Variants in KIF15 observed in about 807,000 individuals in gnomAD.
The protein encoded by KIF15 is kinesin family member 15, also known as kinesin-like protein KIF15.
Under a neutral mutation model 190.6 loss-of-function variants are expected in KIF15, and 140 were observed. The ratio of observed to expected loss-of-function variants is 0.73; its 90% confidence interval spans 0.64 to 0.84. The LOEUF (loss-of-function observed/expected upper bound fraction) is 0.84, where lower values mean the gene tolerates loss of function less well. Ranked by LOEUF, KIF15 falls within the 40% of genes least tolerant of loss-of-function variation. KIF15 has a pLI of 0.00. For synonymous variants in KIF15, 528 were observed against 551.3 expected (o/e 0.96, Z 0.59); for missense variants, 1,372 against 1,584.4 (o/e 0.87, Z 2.28).
chr3:44,766,422 C>T (rs1428789157), intron 1 of KIF15, among the ~76,000 whole-genome samples: 1 of 152,144 alleles, frequency 6.6e-6, no homozygotes, highest in East Asian at 1.9e-4. Context: ...GATCAGGGCC[C>T]CAGTGTTCTT....
At chr3:44,821,670 T>G in intron 20 of KIF15, among the ~76,000 whole-genome samples, 1 of 148,372 alleles carries the variant, frequency 6.7e-6, no homozygotes, top group South Asian at 2.1e-4. Context: ...GCTCCTCACG[T>G]CCCAGATGAT....
At chr3:44,849,143 T>A (rs1374292374) in intron 32 of KIF15, among the ~76,000 whole-genome samples, 1 of 152,234 alleles carries the variant, frequency 6.6e-6, no homozygotes, top group Non-Finnish European at 1.5e-5. Flanking sequence ...TCTGGGTAGA[T>A]ACTCCTTATT....
In KIF15 at chr3:44,802,971, G is replaced by A. The variant is rs756103962; in HGVS notation, c.1667G>A (p.Gly556Asp). ...KLEKAFSEISGMEKSDKNQQG... is the reference protein window; with the variant it reads ...KLEKAFSEISDMEKSDKNQQG... ...GAAAAAGCTTTCTCTGAAATAAGTG[G>A]CATGGAGAAAAGTGACAAAAGTAAG... is the stretch of plus-strand genomic sequence containing the variant. The change falls in exon 14 of 35, where the codon GGC (glycine) becomes GAC (aspartate). Residue 556 changes from glycine to aspartate, a missense_variant. Gly to Asp is a moderately conservative substitution (Grantham distance 94). Transcript: ENST00000326047. The A allele has an allele frequency of 3.2e-5, 51 of 1,597,580 alleles. No individual in the cohort carries two copies. The South Asian group carries it at 5.6e-4, about 17-fold the overall frequency.
intron 3 of KIF15, among the ~76,000 whole-genome samples, chr3:44,777,478 G>A (rs1004464333): frequency 2.6e-5 from 4 of 152,072 alleles, no homozygotes; most frequent in Non-Finnish European, 5.9e-5. Flanking sequence ...CGGATCACGA[G>A]GTCAGGAGTT....
At chr3:44,811,874 TTCTTAGAAG>T (rs1707800508) in intron 17 of KIF15, among the ~76,000 whole-genome samples, 1 of 152,186 alleles carries the variant, frequency 6.6e-6, no homozygotes, top group African/African-American at 2.4e-5. Context: ...CTGAGGAAGC[TTCTTAGAAG>T]TCTCAAGATG....
In KIF15 at chr3:44,798,077, A is replaced by G. The variant is rs1203154304; in HGVS notation, c.1098+121A>G. 4 of 923,308 alleles carry G rather than the reference A, an allele frequency of 4.3e-6. No homozygotes were observed. In the African/African-American group the frequency reaches 5.1e-5, roughly 12 times the overall value. The allele number at this position is 923,308 out of a possible 1,614,324, so 57.2% of individuals were successfully genotyped here. The stretch of plus-strand genomic sequence containing the variant: ...TTTATTTATTTCTCATTGTATGCAA[A>G]ATTTCTATTTTATCTTTCCTACCCT... On this transcript the variant is annotated intron_variant, in intron 10 of 34. Transcript: ENST00000326047.
intron 22 of KIF15, 115 bp from the exon 23 acceptor site, chr3:44,827,344 C>T (rs1697721762): frequency 1.4e-6 from 1 of 711,650 alleles, no homozygotes; most frequent in African/African-American, 1.8e-5. Context: ...TAATGCCTGA[C>T]ACCAAGGGTG....
chr3:44,791,965 T>C (rs1575598830), intron 7 of KIF15, among the ~76,000 whole-genome samples: 7 of 151,868 alleles, frequency 4.6e-5, no homozygotes, highest in Admixed American at 6.6e-5. Flanking sequence ...GTAATCCACC[T>C]GCCTTGGCCT....
At chr3:44,761,967 A>C (rs571376688) in intron 1 of KIF15, 83 bp downstream of exon 1, 4 of 1,578,248 alleles carry the variant, frequency 2.5e-6, no homozygotes, top group African/African-American at 2.7e-5. Context: ...GACCGCCCGC[A>C]AGGTTCTTGC....
At position 44,794,364 on chromosome 3, in the gene KIF15, C is replaced by G; in HGVS notation, c.787C>G (p.Leu263Val). ...IVNIRTSLLNLVDLAGSERQK... is the reference protein window; with the variant it reads ...IVNIRTSLLNVVDLAGSERQK... Reference sequence around the variant, plus strand: ...GAATATACGGACCTCCCTACTCAACCTGGTGGATTTAGCAGGATCTGAAAG... The same window carrying G: ...GAATATACGGACCTCCCTACTCAACGTGGTGGATTTAGCAGGATCTGAAAG... Residue 263 changes from leucine to valine, a missense_variant, in exon 8 of 35, where the codon CTG (leucine) becomes GTG (valine). Physicochemically the swap from Leu to Val is conservative, Grantham distance 32. Coordinates refer to ENST00000326047, the MANE Select transcript of KIF15 (RefSeq NM_020242.3). 3.7e-6 allele frequency: 6 copies of G among 1,613,496 alleles called. No homozygotes were observed. The highest frequency in any genetic ancestry group is 5.1e-6 in the Non-Finnish European group (6 of 1,179,722).
chr3:44,845,280 G>A, intron 30 of KIF15, among the ~76,000 whole-genome samples: 1 of 152,182 alleles, frequency 6.6e-6, no homozygotes, highest in East Asian at 1.9e-4. Flanking sequence ...GTTTTGGTGG[G>A]AGTAACAACT....
At chr3:44,864,976 C>T in intron 6 of KIF15, 2 of 1,601,740 alleles carry the variant, frequency 1.2e-6, no homozygotes, top group Non-Finnish European at 1.7e-6. Flanking sequence ...AAGTCAGTCC[C>T]AGGAGAGTGA....
intron 4 of KIF15, among the ~76,000 whole-genome samples, chr3:44,780,067 CTTTTTTTTTTT>C (rs757687365): frequency 8.1e-6 from 1 of 123,104 alleles, no homozygotes; most frequent in African/African-American, 3.0e-5. Flanking sequence ...TAAAATACAA[CTTTTTTTTTTT>C]TTTTTTTTTT....
chr3:44,852,640 T>A, intron 34 of KIF15, 33 bp from the exon 35 acceptor site: 1 of 1,504,390 alleles, frequency 6.6e-7, no homozygotes, highest in Non-Finnish European at 9.0e-7. Context: ...AGAGCCTTAT[T>A]TTTTTTCTTT....
intron 7 of KIF15, among the ~76,000 whole-genome samples, chr3:44,792,181 AACAGAT>A (rs2125924678): frequency 6.6e-6 from 1 of 152,256 alleles, no homozygotes; most frequent in African/African-American, 2.4e-5. Flanking sequence ...CAAGAAACAT[AACAGAT>A]ACAAATAGCT....
intron 26 of KIF15, among the ~76,000 whole-genome samples, chr3:44,835,327 A>G (rs1698259088): frequency 6.6e-6 from 1 of 151,968 alleles, no homozygotes; most frequent in South Asian, 2.1e-4. Context: ...GCAGCCTTGA[A>G]CTCCTGGGCT....
At chr3:44,777,960 TA>T (rs1705974903) in intron 3 of KIF15, among the ~76,000 whole-genome samples, 154 bp from the exon 4 acceptor site, 1 of 152,248 alleles carries the variant, frequency 6.6e-6, no homozygotes, top group Non-Finnish European at 1.5e-5. Flanking sequence ...TAATTATGTG[TA>T]AAGTTGAATC....
chr3:44,780,067 CTTTT>C (rs757687365), intron 4 of KIF15, among the ~76,000 whole-genome samples: 2 of 123,104 alleles, frequency 1.6e-5, no homozygotes, highest in Non-Finnish European at 1.7e-5. Context: ...TAAAATACAA[CTTTT>C]TTTTTTTTTT....
In KIF15 at chr3:44,864,178, G is replaced by A. The variant is rs771418774; in HGVS notation, c.*60-9151G>A. The A allele has an allele frequency of 5.0e-6, 8 of 1,613,086 alleles. No individual in the cohort carries two copies. The African/African-American group carries it at 1.1e-4, about 22-fold the overall frequency. On this transcript the variant is annotated intron_variant and NMD_transcript_variant, in intron 6 of 6. Transcript: ENST00000422209. The stretch of plus-strand genomic sequence containing the variant: ...GCTGCCCAGGGTGGACGTGGCTGCA[G>A]TGACACTTTCTCCTGCAGGTGAGCA...
Sources: gnomAD v4.1 joint callset for allele counts (sites outside exome capture counted in the v4.1 genomes callset) on GRCh38, gnomAD v4.1.1 for gene constraint, MANE v1.5 for transcripts, NCBI Gene and HGNC (gene_info 2026-07-23, HGNC 2026-07-21) for gene names.